The following PPARGC1B variants were observed in gnomAD, a reference collection of about 807,000 sequenced individuals.
The protein encoded by PPARGC1B is peroxisome proliferator-activated receptor gamma coactivator 1-beta.
PPARGC1B carries 34 observed loss-of-function variants against 101.6 expected under a neutral mutation model. The observed-to-expected ratio is 0.33, with a 90% CI of 0.25 to 0.45. The LOEUF (loss-of-function observed/expected upper bound fraction) is 0.45, where lower values mean the gene tolerates loss of function less well. PPARGC1B is among the 20% of genes least tolerant of loss of function. The pLI is 1.00. For missense variants in PPARGC1B, 1,234 were observed against 1,317.6 expected (o/e 0.94, Z 0.98); for synonymous variants, 548 against 539.3 (o/e 1.02, Z -0.22).
intron 1 of PPARGC1B, chr5:149,732,702 C>A: frequency 2.3e-6 from 1 of 431,610 alleles, no homozygotes; most frequent in Non-Finnish European, 4.7e-6. Context: ...CTCGGAGAGC[C>A]CAGCCGGAAG....
Position 149,833,051 on chromosome 5 carries a change from G to T in PPARGC1B, c.978G>T (p.Arg326=), listed in dbSNP as rs115557257. Residue 326 remains arginine, a synonymous_variant, in exon 5 of 12, where the codon CGG becomes CGT. Coordinates refer to ENST00000309241, the MANE Select transcript of PPARGC1B (RefSeq NM_133263.4). This position sits in a 1 kb window ranked among gnomAD's most constrained non-coding sequence, Gnocchi z 4.1. ...ACCCCTCCCAGCAGGTCAGATCCCG[G>T]CCCTGGTCCCGGCACCACTCCAAAG... ...CSNPSQQVRS[R]PWSRHHSKAS... 34,088 of 1,613,852 alleles carry T rather than the reference G, an allele frequency of 0.021. 456 individuals carry two copies. The highest frequency in any genetic ancestry group is 0.025 in the Non-Finnish European group (29,561 of 1,180,020).
At chr5:149,740,253 C>A (rs1369708404) in intron 1 of PPARGC1B, 1 of 152,204 alleles carries the variant, frequency 6.6e-6, no homozygotes, top group African/African-American at 2.4e-5. Flanking sequence ...CCTTCTTTTT[C>A]TATCTAGGAA....
At chr5:149,811,497 C>T (rs1472674172) in intron 1 of PPARGC1B, among the ~76,000 whole-genome samples, 3 of 152,124 alleles carry the variant, frequency 2.0e-5, no homozygotes, top group Non-Finnish European at 2.9e-5. Context: ...ATTACACTAT[C>T]GAGTGGGTTT....
chr5:149,833,288 C>T lies in PPARGC1B; in HGVS notation c.1215C>T (p.Pro405=). The change falls in exon 5 of 12, where the codon CCC becomes CCT. Residue 405 remains proline, a synonymous_variant. Transcript: ENST00000309241. This position sits in a 1 kb window ranked among gnomAD's most constrained non-coding sequence, Gnocchi z 4.1. ...CAGCTTCACCCAAGAGCACCGGGCC[C>T]AGACCAAGCCTGCGCCCACTGCGGC... ...RIAASPKSTG[P]RPSLRPLRLE... The T allele has an allele frequency of 6.2e-7, 1 of 1,613,452 alleles. No individual in the cohort carries two copies. The highest frequency in any genetic ancestry group is 8.5e-7 in the Non-Finnish European group (1 of 1,180,030).
chr5:149,782,680 G>C (rs1018983199), intron 1 of PPARGC1B, among the ~76,000 whole-genome samples: 2 of 152,236 alleles, frequency 1.3e-5, no homozygotes, highest in Non-Finnish European at 2.9e-5. Context: ...GTAGGGGCAG[G>C]GGTTGCTGAA....
At chr5:149,752,784 G>A (rs974207485) in intron 1 of PPARGC1B, among the ~76,000 whole-genome samples, 15 of 152,124 alleles carry the variant, frequency 9.9e-5, no homozygotes, top group South Asian at 6.2e-4. Context: ...AGCCAAGATC[G>A]TACCATTGCA....
At chr5:149,765,705 C>G (rs1056028686) in intron 1 of PPARGC1B, among the ~76,000 whole-genome samples, 1 of 151,800 alleles carries the variant, frequency 6.6e-6, no homozygotes, top group Non-Finnish European at 1.5e-5. Context: ...AAAAAAAATA[C>G]AAAAAATTAG....
At chr5:149,780,928 G>A (rs915139918) in intron 1 of PPARGC1B, among the ~76,000 whole-genome samples, 1 of 152,242 alleles carries the variant, frequency 6.6e-6, no homozygotes, top group African/African-American at 2.4e-5. Context: ...TTCCGGCAGG[G>A]CGCGGTGGCT....
chr5:149,836,649 G>T lies in PPARGC1B; in HGVS notation c.2194G>T (p.Ala732Ser). The T allele has an allele frequency of 6.2e-7, 1 of 1,613,850 alleles. No homozygotes were observed. Among genetic ancestry groups the T allele is most frequent in the Non-Finnish European group, 8.5e-7 (1 of 1,180,028 alleles). Reference protein sequence around the residue: ...WPQQGAPWAEAQAPGREEDRS... With the variant: ...WPQQGAPWAESQAPGREEDRS... ...CCAGCAGGGTGCCCCTTGGGCTGAG[G>T]CACAGGCCCCTGGCAGGGAGGAAGA... is the stretch of plus-strand genomic sequence containing the variant. Residue 732 changes from alanine to serine, a missense_variant, in exon 8 of 12, where the codon GCA (alanine) becomes TCA (serine). Transcript: ENST00000309241.
chr5:149,732,045 GGTGTGTGTGTGTGTGTGTGT>G (rs3042304), intron 1 of PPARGC1B, among the ~76,000 whole-genome samples: 5 of 149,026 alleles, frequency 3.4e-5, no homozygotes, highest in African/African-American at 1.2e-4. Flanking sequence ...TGCGCGCGCG[GGTGTGTGTGTGTGTGTGTGT>G]GTGTGTGTGT....
rs969424572 is a variant in PPARGC1B, at chr5:149,833,132, T to G, written c.1059T>G (p.Cys353Trp). The G allele has an allele frequency of 2.5e-6, 4 of 1,613,694 alleles. No homozygotes were observed. In the African/African-American group the frequency reaches 4.0e-5, roughly 16 times the overall value. Reference protein sequence around the residue: ...LRELLAQDVLCDVSKPYRLAT... With the variant: ...LRELLAQDVLWDVSKPYRLAT... Reference sequence around the variant, plus strand: ...AACTTCTGGCTCAAGACGTGCTCTGTGATGTCAGCAAACCCTACCGTCTGG... The same window carrying G: ...AACTTCTGGCTCAAGACGTGCTCTGGGATGTCAGCAAACCCTACCGTCTGG... Residue 353 changes from cysteine (C) to tryptophan (W), a missense_variant, in exon 5 of 12, where the codon TGT (cysteine) becomes TGG (tryptophan). Cys to Trp is a radical substitution (Grantham distance 215). This residue lies in a region of PPARGC1B where 734 missense variants were observed against 768.4 expected (regional missense o/e 0.96). Coordinates refer to ENST00000309241, the MANE Select transcript of PPARGC1B (RefSeq NM_133263.4). This position sits in a 1 kb window ranked among gnomAD's most constrained non-coding sequence, Gnocchi z 4.1.
At chr5:149,777,549 A>G (rs1418070972) in intron 1 of PPARGC1B, among the ~76,000 whole-genome samples, 1 of 152,000 alleles carries the variant, frequency 6.6e-6, no homozygotes, top group Non-Finnish European at 1.5e-5. Context: ...CCACCCTCCC[A>G]CGCAGGCAGG....
At chr5:149,752,800 G>A (rs1253476465) in intron 1 of PPARGC1B, among the ~76,000 whole-genome samples, 130 of 152,306 alleles carry the variant, frequency 8.5e-4, no homozygotes, top group African/African-American at 2.9e-3. Context: ...TTGCACTCCA[G>A]CCTGGGTGAC....
intron 5 of PPARGC1B, 79 bp from the exon 6 acceptor site, chr5:149,834,595 C>T: frequency 7.3e-7 from 1 of 1,362,316 alleles, no homozygotes; most frequent in African/African-American, 1.4e-5. Flanking sequence ...CAGTGGAGGC[C>T]TAGGGTCTCC....
At chr5:149,776,505 TGGTA>T (rs1484480030) in intron 1 of PPARGC1B, among the ~76,000 whole-genome samples, 2 of 152,188 alleles carry the variant, frequency 1.3e-5, no homozygotes, top group African/African-American at 4.8e-5. Flanking sequence ...CAAATCATTG[TGGTA>T]GGTGGAACAC....
chr5:149,745,998 T>A (rs1226911335), intron 1 of PPARGC1B, among the ~76,000 whole-genome samples: 2 of 152,114 alleles, frequency 1.3e-5, no homozygotes, highest in African/African-American at 4.8e-5. Context: ...CCCTTAAAGA[T>A]CAGAGGGGTG....
chr5:149,799,693 G>GTTGTTGTTGTTGTTTTTTTT (rs752427488), intron 1 of PPARGC1B, among the ~76,000 whole-genome samples: 1 of 76,480 alleles, frequency 1.3e-5, no homozygotes, highest in African/African-American at 5.7e-5. Context: ...GCTTGTTGTT[G>GTTGTTGTTGTTGTTTTTTTT]TTTTTTTTTT....
At chr5:149,792,887 G>GA (rs1488216053) in intron 1 of PPARGC1B, among the ~76,000 whole-genome samples, 1 of 151,948 alleles carries the variant, frequency 6.6e-6, no homozygotes, top group Non-Finnish European at 1.5e-5. Context: ...TCCTTGTATG[G>GA]AAAAAATGCA....
chr5:149,818,728 A>G (rs1758153420), intron 1 of PPARGC1B: 1 of 433,524 alleles, frequency 2.3e-6, no homozygotes, highest in Non-Finnish European at 4.7e-6. Flanking sequence ...TCTGCCTACC[A>G]TGAAATACCA....
Sources: allele counts gnomAD v4.1 joint callset (sites outside exome capture counted in the v4.1 genomes callset), GRCh38; gene constraint gnomAD v4.1.1; regional missense constraint gnomAD v4.1.1; non-coding constraint Gnocchi (gnomAD v3.1); transcripts MANE v1.5; gene names NCBI Gene and HGNC (gene_info 2026-07-23, HGNC 2026-07-21).